Variants in MAGI1 observed in about 807,000 individuals in gnomAD.
MAGI1 encodes the protein membrane-associated guanylate kinase, WW and PDZ domain-containing protein 1.
Under a neutral mutation model 139.9 loss-of-function variants are expected in MAGI1, and 58 were observed. That is an observed-to-expected ratio of 0.41 (90% confidence interval 0.34 to 0.52). MAGI1 has a LOEUF of 0.52. MAGI1 is among the 20% of genes least tolerant of loss of function. The pLI is 0.12. For synonymous variants in MAGI1, 812 were observed against 737.9 expected, an observed-to-expected ratio of 1.10 and a Z score of -1.63; for missense variants, 1,874 against 1,901.6, an observed-to-expected ratio of 0.99 and a Z score of 0.27.
intron 12 of MAGI1, among the ~76,000 whole-genome samples, chr3:65,410,690 G>C (rs79950160): frequency 0.018 from 2,783 of 152,268 alleles, 85 homozygotes; most frequent in African/African-American, 0.063. Flanking sequence ...GATAGCCGAA[G>C]AGTGTATGCA....
chr3:65,600,870 T>C (rs1197439549), intron 2 of MAGI1, among the ~76,000 whole-genome samples: 1 of 152,252 alleles, frequency 6.6e-6, no homozygotes, highest in Admixed American at 6.5e-5. Context: ...ATACTGGTTA[T>C]GAGAGTGGGA....
intron 22 of MAGI1, among the ~76,000 whole-genome samples, chr3:65,357,406 T>C (rs183761442): frequency 5.3e-5 from 8 of 152,214 alleles, no homozygotes; most frequent in African/African-American, 1.4e-4. Context: ...CAGTCATGAT[T>C]TGAGTCTTTA....
intron 2 of MAGI1, among the ~76,000 whole-genome samples, chr3:65,531,742 A>C (rs1198195407): frequency 1.3e-5 from 2 of 152,140 alleles, no homozygotes; most frequent in Non-Finnish European, 2.9e-5. Context: ...TCCAGTTTCC[A>C]GCTAAGTGAC....
chr3:65,424,910 C>T (rs1390727259), intron 12 of MAGI1, among the ~76,000 whole-genome samples: 2 of 151,838 alleles, frequency 1.3e-5, no homozygotes, highest in Admixed American at 1.3e-4. Flanking sequence ...CTCTACAAAA[C>T]AATTTTTTAA....
chr3:65,496,234 G>A (rs938456602), intron 2 of MAGI1, among the ~76,000 whole-genome samples: 1 of 151,548 alleles, frequency 6.6e-6, no homozygotes. Flanking sequence ...ACAAATGGGG[G>A]GTCTCACTAT....
At chr3:65,384,859 T>C (rs1943326477) in intron 14 of MAGI1, among the ~76,000 whole-genome samples, 1 of 152,088 alleles carries the variant, frequency 6.6e-6, no homozygotes, top group Non-Finnish European at 1.5e-5. Flanking sequence ...CCATGGATTT[T>C]TATATCCTTG....
At chr3:65,694,721 C>T (rs1559794552) in intron 1 of MAGI1, among the ~76,000 whole-genome samples, 2 of 152,150 alleles carry the variant, frequency 1.3e-5, no homozygotes, top group African/African-American at 2.4e-5. Flanking sequence ...TGTGACTAAC[C>T]CCTGAGCTGC....
chr3:65,751,517 T>TA (rs2036153046), intron 1 of MAGI1, among the ~76,000 whole-genome samples: 1 of 152,184 alleles, frequency 6.6e-6, no homozygotes, highest in Non-Finnish European at 1.5e-5. Context: ...AGCCGCTTTC[T>TA]AAAAAACACT....
intron 1 of MAGI1, among the ~76,000 whole-genome samples, chr3:65,774,502 G>A (rs2038208899): frequency 1.3e-5 from 2 of 152,106 alleles, no homozygotes; most frequent in Non-Finnish European, 2.9e-5. Context: ...CCAGGTTTTG[G>A]TGGAAAAGAA....
At chr3:66,021,499 C>T (rs1215651603) in intron 1 of MAGI1, among the ~76,000 whole-genome samples, 1 of 152,202 alleles carries the variant, frequency 6.6e-6, no homozygotes, top group Non-Finnish European at 1.5e-5. Context: ...CTGCCTCCCA[C>T]AATCAGTGTT....
intron 1 of MAGI1, among the ~76,000 whole-genome samples, chr3:65,853,364 T>G (rs1575714296): frequency 1.3e-5 from 2 of 152,252 alleles, no homozygotes; most frequent in Non-Finnish European, 2.9e-5. Context: ...AGTACATGTT[T>G]AATGCATTGA....
At chr3:65,893,153 A>G (rs2108583743) in intron 1 of MAGI1, among the ~76,000 whole-genome samples, 1 of 152,218 alleles carries the variant, frequency 6.6e-6, no homozygotes, top group East Asian at 1.9e-4. Context: ...AGTTACTGAA[A>G]ATAAGATTTC....
intron 1 of MAGI1, among the ~76,000 whole-genome samples, chr3:65,713,304 T>G (rs929723348): frequency 2.0e-5 from 3 of 152,214 alleles, no homozygotes; most frequent in Admixed American, 2.0e-4. Flanking sequence ...AACTCAACAT[T>G]CTTGGTCAAA....
chr3:65,388,752 G>A lies in MAGI1; in HGVS notation c.2416+2390C>T, dbSNP rs755457046. On this transcript the variant is annotated intron_variant, in intron 14 of 22. Transcript: ENST00000402939. ...CTACAGAGACTCCAATTACCAAAAA[G>A]GAACAGGTTCTCATTTGTGCTGCTC... Among the ~76,000 whole-genome samples, 6 of 151,048 alleles carry A rather than the reference G, an allele frequency of 4.0e-5. No homozygotes were observed. In the East Asian group the frequency reaches 1.2e-3, roughly 29 times the overall value.
chr3:65,395,082 T>G (rs1281631562), intron 13 of MAGI1, among the ~76,000 whole-genome samples: 2 of 152,068 alleles, frequency 1.3e-5, no homozygotes, highest in East Asian at 3.9e-4. Context: ...CTCCTAAGTG[T>G]GCTGCCCTAC....
chr3:66,025,951 T>C (rs2068236703), intron 1 of MAGI1, among the ~76,000 whole-genome samples: 1 of 152,150 alleles, frequency 6.6e-6, no homozygotes, highest in Non-Finnish European at 1.5e-5. Context: ...TTTAAGTTTT[T>C]AAAAGATTAG....
At chr3:65,554,207 C>T (rs1277643710) in intron 2 of MAGI1, among the ~76,000 whole-genome samples, 1 of 152,134 alleles carries the variant, frequency 6.6e-6, no homozygotes, top group African/African-American at 2.4e-5. Flanking sequence ...AAGGCATGGT[C>T]AAGAGTCACT....
chr3:65,488,159 G>A (rs13063217), intron 3 of MAGI1, among the ~76,000 whole-genome samples: 2,004 of 152,132 alleles, frequency 0.013, 18 homozygotes, highest in Middle Eastern at 0.031. Context: ...TGTGGATTCA[G>A]GCCCCATGGC....
chr3:65,982,567 T>C (rs908125567), intron 1 of MAGI1, among the ~76,000 whole-genome samples: 2 of 152,206 alleles, frequency 1.3e-5, no homozygotes, highest in African/African-American at 4.8e-5. Flanking sequence ...AAATCAATGC[T>C]TTTAATGCCT....
Sources: allele counts gnomAD v4.1 joint callset (sites outside exome capture counted in the v4.1 genomes callset), GRCh38; gene constraint gnomAD v4.1.1; transcripts MANE v1.5; gene names NCBI Gene and HGNC (gene_info 2026-07-23, HGNC 2026-07-21).